GPHN: variants seen among roughly 807,000 people sequenced by gnomAD.
The protein encoded by GPHN is gephyrin.
A neutral mutation model predicts 95.5 loss-of-function variants in GPHN; 17 were observed. The ratio of observed to expected loss-of-function variants is 0.18; its 90% CI spans 0.12 to 0.27. GPHN has a LOEUF of 0.27. Among genes scored for constraint, GPHN ranks in the 10% least tolerant of loss-of-function variants. The probability of loss-of-function intolerance (pLI) is 1.00; values close to 1 mark genes in which losing one functional copy is unlikely to be tolerated. For synonymous variants in GPHN, 320 were observed against 322.5 expected (o/e 0.99, Z 0.08); for missense variants, 660 against 978.1 (o/e 0.67, Z 4.34).
the GPHN span, among the ~76,000 whole-genome samples, chr14:67,459,207 T>C: frequency 2.0e-5 from 3 of 151,796 alleles, no homozygotes; most frequent in Admixed American, 2.0e-4. Context: ...ATTTTTTAAA[T>C]TTTTTTTGTA....
chr14:67,163,528 G>A (rs140910129), intron 19 of GPHN, among the ~76,000 whole-genome samples: 85 of 152,136 alleles, frequency 5.6e-4, no homozygotes, highest in African/African-American at 1.9e-3. Flanking sequence ...GCAATGTGGG[G>A]TTATGGTTTA....
intron 12 of GPHN, among the ~76,000 whole-genome samples, chr14:67,093,001 T>TC (rs1477182116): frequency 2.0e-5 from 3 of 152,062 alleles, no homozygotes; most frequent in Non-Finnish European, 2.9e-5. Flanking sequence ...ATGTTAGAAC[T>TC]CCAAGTTCAG....
At chr14:67,696,498 A>G in the GPHN span, among the ~76,000 whole-genome samples, 6 of 152,172 alleles carry the variant, frequency 3.9e-5, no homozygotes, top group Non-Finnish European at 7.4e-5. Flanking sequence ...TATTGTGTCT[A>G]TCTTGAATTA....
chr14:67,147,080 C>T (rs182387286), intron 18 of GPHN, among the ~76,000 whole-genome samples: 2 of 152,164 alleles, frequency 1.3e-5, no homozygotes, highest in Admixed American at 1.3e-4. Context: ...TCCAAACATA[C>T]ACATAAAAAA....
the GPHN span, chr14:67,729,438 C>T: frequency 3.9e-6 from 6 of 1,531,268 alleles, no homozygotes; most frequent in Non-Finnish European, 4.5e-6. Context: ...GTGCCGGACT[C>T]GCTGGGCTGT....
chr14:67,393,002 C>T, the GPHN span: 7 of 866,298 alleles, frequency 8.1e-6, no homozygotes, highest in Non-Finnish European at 1.3e-5. Context: ...AGAGCCGTGG[C>T]TGCACACCCA....
At chr14:66,588,035 G>A (rs1014666381) in intron 1 of GPHN, among the ~76,000 whole-genome samples, 1 of 152,188 alleles carries the variant, frequency 6.6e-6, no homozygotes, top group Non-Finnish European at 1.5e-5. Flanking sequence ...AGCTTCCAGA[G>A]GAAGGAACAG....
chr14:67,225,966 C>T, the GPHN span, among the ~76,000 whole-genome samples: 3,569 of 63,798 alleles, frequency 0.056, 58 homozygotes, highest in Non-Finnish European at 0.079. Flanking sequence ...TGTGTGTGCG[C>T]GCGCGCGCGT....
intron 1 of GPHN, among the ~76,000 whole-genome samples, chr14:66,666,076 G>A (rs1208394187): frequency 6.7e-6 from 1 of 148,242 alleles, no homozygotes; most frequent in Admixed American, 6.7e-5. Flanking sequence ...ACAGGAAGGG[G>A]GACATCACAC....
the GPHN span, among the ~76,000 whole-genome samples, chr14:67,374,867 G>A: frequency 6.6e-6 from 1 of 152,146 alleles, no homozygotes; most frequent in Non-Finnish European, 1.5e-5. Context: ...GCCCTCCAAA[G>A]TGCTGGGATT....
chr14:66,525,292 T>C (rs992684558), intron 1 of GPHN, among the ~76,000 whole-genome samples: 1 of 152,238 alleles, frequency 6.6e-6, no homozygotes, highest in African/African-American at 2.4e-5. Context: ...CATAAATGTC[T>C]TCTTTTGAGA....
intron 1 of GPHN, among the ~76,000 whole-genome samples, chr14:66,624,932 A>T (rs1355686788): frequency 6.6e-6 from 1 of 152,184 alleles, no homozygotes; most frequent in Non-Finnish European, 1.5e-5. Flanking sequence ...CCATGGAGAC[A>T]TAAGCTATGA....
At chr14:66,962,428 T>A (rs2069017636) in intron 8 of GPHN, among the ~76,000 whole-genome samples, 1 of 151,720 alleles carries the variant, frequency 6.6e-6, no homozygotes, top group Non-Finnish European at 1.5e-5. Flanking sequence ...GGATCCACAA[T>A]GGTAATTGAA....
At chr14:67,568,377 C>T in the GPHN span, among the ~76,000 whole-genome samples, 2 of 152,000 alleles carry the variant, frequency 1.3e-5, no homozygotes, top group African/African-American at 4.8e-5. Flanking sequence ...TTCTCACTTA[C>T]AAGTGGGAGC....
At chr14:67,159,763 T>C (rs2081854117) in intron 19 of GPHN, among the ~76,000 whole-genome samples, 1 of 152,172 alleles carries the variant, frequency 6.6e-6, no homozygotes, top group Non-Finnish European at 1.5e-5. Context: ...TCTTCCTCTT[T>C]TTCTCTTTTT....
At chr14:67,156,571 A>G (rs2081599987) in intron 18 of GPHN, among the ~76,000 whole-genome samples, 1 of 152,222 alleles carries the variant, frequency 6.6e-6, no homozygotes, top group South Asian at 2.1e-4. Flanking sequence ...AGAATATTAA[A>G]TAAAAAATAT....
At chr14:67,534,244 T>C in the GPHN span, among the ~76,000 whole-genome samples, 1 of 152,136 alleles carries the variant, frequency 6.6e-6, no homozygotes, top group African/African-American at 2.4e-5. Context: ...CTGCATATTA[T>C]TGGCCCCATT....
At chr14:67,431,418 A>G in the GPHN span, among the ~76,000 whole-genome samples, 1 of 147,244 alleles carries the variant, frequency 6.8e-6, no homozygotes, top group African/African-American at 2.5e-5. Flanking sequence ...AAAAAAAAAA[A>G]AAACGGTTTA....
At position 66,915,999 on chromosome 14, in the gene GPHN, T is replaced by C. The variant is rs759324331; in HGVS notation, c.390-4T>C. The C allele has an allele frequency of 1.9e-6, 3 of 1,566,274 alleles. No homozygotes were observed. The highest frequency in any genetic ancestry group is 2.6e-6 in the Non-Finnish European group (3 of 1,136,406). ...GTGTTCATCTACTTTCTCTTTTCTT[T>C]CAGGCCTGTATGTGGAATCAGAGGG... On this transcript the variant is annotated splice_region_variant and splice_polypyrimidine_tract_variant and intron_variant, in intron 5 of 22. Coordinates refer to ENST00000478722, the MANE Select transcript of GPHN (RefSeq NM_020806.5).
Sources: allele counts gnomAD v4.1 joint callset (sites outside exome capture counted in the v4.1 genomes callset), GRCh38; gene constraint gnomAD v4.1.1; transcripts MANE v1.5; gene names NCBI Gene and HGNC (gene_info 2026-07-23, HGNC 2026-07-21).